SELENOF: variants seen among roughly 807,000 people sequenced by gnomAD.
The protein encoded by SELENOF is 15 kDa selenoprotein.
SELENOF carries 16 observed loss-of-function variants against 20.5 expected under a neutral mutation model. The observed-to-expected ratio is 0.78, with a 90% confidence interval of 0.53 to 1.19. The LOEUF (loss-of-function observed/expected upper bound fraction) is 1.19, where lower values mean the gene tolerates loss of function less well. Among genes scored for constraint, SELENOF ranks in the 50% most tolerant of loss-of-function variants. The pLI is 0.00. For missense variants in SELENOF, 215 were observed against 194.2 expected (o/e 1.11, Z -0.64); for synonymous variants, 78 against 74.5 (o/e 1.05, Z -0.24).
chr1:86,870,907 C>T (rs1305872347), intron 3 of SELENOF, among the ~76,000 whole-genome samples: 1 of 152,074 alleles, frequency 6.6e-6, no homozygotes, highest in Non-Finnish European at 1.5e-5. Context: ...GCGTGAGCCA[C>T]TGTGCCCGGC....
At chr1:86,904,333 G>A (rs1659777202) in intron 1 of SELENOF, among the ~76,000 whole-genome samples, 1 of 152,060 alleles carries the variant, frequency 6.6e-6, no homozygotes, top group Admixed American at 6.6e-5. Context: ...TAAATTAAGG[G>A]GCAATACTTC....
chr1:86,898,846 G>C (rs1659596240), intron 2 of SELENOF, among the ~76,000 whole-genome samples: 1 of 151,110 alleles, frequency 6.6e-6, no homozygotes, highest in Non-Finnish European at 1.5e-5. Context: ...GGATTTGGCA[G>C]GGTCATAGGA....
intron 2 of SELENOF, among the ~76,000 whole-genome samples, chr1:86,901,808 A>C (rs757178918): frequency 3.7e-4 from 56 of 152,370 alleles, no homozygotes; most frequent in Non-Finnish European, 6.6e-4. Flanking sequence ...AAAGGCAGTA[A>C]GTAAAAATAG....
chr1:86,901,131 A>G (rs900053494), intron 2 of SELENOF, among the ~76,000 whole-genome samples: 11 of 152,210 alleles, frequency 7.2e-5, no homozygotes, highest in African/African-American at 2.4e-4. Flanking sequence ...GTAAGGCACT[A>G]GTCTACATAT....
In SELENOF at chr1:86,880,744, G is replaced by C. The variant is rs776079237; in HGVS notation, c.253-19C>G. 3.3e-6 allele frequency: 5 copies of C among 1,502,706 alleles called. No homozygotes were observed. The South Asian group carries it at 5.3e-5, about 16-fold the overall frequency. The allele number at this position is 1,502,706 out of a possible 1,614,324, so 93.1% of individuals were successfully genotyped here. A position where few individuals can be genotyped will look rare whatever the true frequency, so the allele number is the denominator to read the frequency against. On this transcript the variant is annotated intron_variant, in intron 2 of 4. Coordinates refer to ENST00000331835, the MANE Select transcript of SELENOF (RefSeq NM_004261.5). ...CATACAGCTACAAAAGGAAAAACAG[G>C]AATTTAAAAAACTGGTATAAATTAA...
chr1:86,895,609 A>C (rs1204525683), intron 2 of SELENOF, among the ~76,000 whole-genome samples: 2 of 152,248 alleles, frequency 1.3e-5, no homozygotes, highest in Non-Finnish European at 2.9e-5. Context: ...GAATCTAGAC[A>C]GTCTGGTTCT....
rs556886166 is a variant in SELENOF at position 86,872,153 on chromosome 1, G to T, written c.317-4051C>A. On this transcript the variant is annotated intron_variant, in intron 3 of 4. Coordinates refer to ENST00000331835, the MANE Select transcript of SELENOF (RefSeq NM_004261.5). Reference sequence around the variant, plus strand: ...AAAAACAAATCTATTCAAAAGTTTAGTGAGTATTAACCACATAAACGCAAA... The same window carrying T: ...AAAAACAAATCTATTCAAAAGTTTATTGAGTATTAACCACATAAACGCAAA... Among the ~76,000 whole-genome samples, 26 of 148,788 alleles carry T rather than the reference G, an allele frequency of 1.7e-4. No homozygotes were observed. In the South Asian group the frequency reaches 5.4e-3, roughly 31 times the overall value.
At chr1:86,906,216 T>C (rs1194041525) in intron 1 of SELENOF, among the ~76,000 whole-genome samples, 1 of 152,214 alleles carries the variant, frequency 6.6e-6, no homozygotes, top group Non-Finnish European at 1.5e-5. Context: ...ATCTCTCTAG[T>C]TTAACTATAA....
intron 4 of SELENOF, among the ~76,000 whole-genome samples, chr1:86,866,920 T>A (rs80033132): frequency 0.022 from 3,391 of 152,262 alleles, 127 homozygotes; most frequent in African/African-American, 0.077. Flanking sequence ...AGTTAAACAA[T>A]CTTAACTGTA....
At chr1:86,867,964 G>T in intron 4 of SELENOF, 89 bp downstream of exon 4, 1 of 532,512 alleles carries the variant, frequency 1.9e-6, no homozygotes, top group Non-Finnish European at 3.2e-6. Flanking sequence ...CATGTTTATG[G>T]GGGAAACCAT....
chr1:86,912,947 C>T (rs1660023931), intron 1 of SELENOF, among the ~76,000 whole-genome samples: 1 of 151,770 alleles, frequency 6.6e-6, no homozygotes, highest in African/African-American at 2.4e-5. Flanking sequence ...TCTCGAATGA[C>T]CTAAAGATGT....
intron 2 of SELENOF, among the ~76,000 whole-genome samples, chr1:86,893,418 C>T (rs189672499): frequency 4.5e-5 from 6 of 134,422 alleles, no homozygotes; most frequent in African/African-American, 1.4e-4. Flanking sequence ...CCATCCTGGC[C>T]AACATGGTGA....
At chr1:86,893,891 A>C in intron 2 of SELENOF, among the ~76,000 whole-genome samples, 1 of 152,318 alleles carries the variant, frequency 6.6e-6, no homozygotes, top group East Asian at 1.9e-4. Flanking sequence ...ATCCAATTAT[A>C]TTCATAAATT....
intron 4 of SELENOF, among the ~76,000 whole-genome samples, chr1:86,866,427 AGTT>A (rs1490436999): frequency 7.0e-6 from 1 of 143,706 alleles, no homozygotes; most frequent in East Asian, 2.3e-4. Flanking sequence ...GAAAACAGGT[AGTT>A]GTCACGGGCT....
chr1:86,866,621 TACC>T (rs1249501690), intron 4 of SELENOF, among the ~76,000 whole-genome samples: 4 of 152,144 alleles, frequency 2.6e-5, no homozygotes, highest in Admixed American at 6.6e-5. Context: ...TAATATTTTT[TACC>T]ACAATTTAAA....
chr1:86,864,239 T>C (rs984391419), intron 4 of SELENOF, among the ~76,000 whole-genome samples: 21 of 152,250 alleles, frequency 1.4e-4, no homozygotes, highest in African/African-American at 5.1e-4. Context: ...ATTTTATTTG[T>C]AATCAGTTTA....
Position 86,903,446 on chromosome 1 carries a change from C to A in SELENOF, c.87G>T (p.Val29=). Residue 29 remains valine (V), a splice_region_variant and synonymous_variant, in exon 2 of 5, where the codon GTG becomes GTT. Coordinates refer to ENST00000331835, the MANE Select transcript of SELENOF (RefSeq NM_004261.5). ...ATGAAAACTCTGCCCCAAAAGCAGA[C>A]ACCTGAAAATAAAAAATGGGAAATA... ...RLLLATVLQA[V]SAFGAEFSSE... The A allele has an allele frequency of 6.3e-7, 1 of 1,591,846 alleles. No individual in the cohort carries two copies. Among genetic ancestry groups the A allele is most frequent in the Non-Finnish European group, 8.5e-7 (1 of 1,171,254 alleles).
At chr1:86,872,724 G>A (rs1658808935) in intron 3 of SELENOF, among the ~76,000 whole-genome samples, 1 of 151,878 alleles carries the variant, frequency 6.6e-6, no homozygotes, top group Non-Finnish European at 1.5e-5. Flanking sequence ...CCAACATGGT[G>A]GAAACCCCGT....
intron 2 of SELENOF, among the ~76,000 whole-genome samples, chr1:86,899,772 G>A (rs1282011743): frequency 1.3e-5 from 2 of 149,686 alleles, no homozygotes; most frequent in African/African-American, 5.0e-5. Flanking sequence ...CCGGGCGGAG[G>A]GGCTCCTCAC....
Sources: allele counts gnomAD v4.1 joint callset (sites outside exome capture counted in the v4.1 genomes callset), GRCh38; gene constraint gnomAD v4.1.1; transcripts MANE v1.5; gene names NCBI Gene and HGNC (gene_info 2026-07-23, HGNC 2026-07-21).